The following CNTN4 variants were observed in gnomAD, a reference collection of about 807,000 sequenced individuals.
CNTN4 encodes the protein contactin 4.
Under a neutral mutation model 122.5 loss-of-function variants are expected in CNTN4, and 77 were observed. That is an observed-to-expected ratio of 0.63 (90% confidence interval 0.52 to 0.76). The LOEUF (loss-of-function observed/expected upper bound fraction) is 0.76. CNTN4 is among the 30% of genes least tolerant of loss of function. CNTN4 has a pLI of 0.00. For synonymous variants in CNTN4, 512 were observed against 447.0 expected, an observed-to-expected ratio of 1.15 and a Z score of -1.83; for missense variants, 1,256 against 1,259.1, an observed-to-expected ratio of 1.00 and a Z score of 0.04.
chr3:2,153,014 G>A (rs1259340792), intron 2 of CNTN4, among the ~76,000 whole-genome samples: 1 of 152,168 alleles, frequency 6.6e-6, no homozygotes, highest in Non-Finnish European at 1.5e-5. Flanking sequence ...AGACCCTACA[G>A]AATCAAGAGA....
At chr3:2,821,310 G>T (rs1237708430) in intron 7 of CNTN4, among the ~76,000 whole-genome samples, 2 of 152,140 alleles carry the variant, frequency 1.3e-5, no homozygotes, top group African/African-American at 4.8e-5. Flanking sequence ...GCTTCTAGAG[G>T]ATGTCTTCCA....
chr3:2,632,050 C>CAAAA (rs2150044123), intron 4 of CNTN4, among the ~76,000 whole-genome samples: 1 of 140,358 alleles, frequency 7.1e-6, no homozygotes, highest in Admixed American at 7.3e-5. Flanking sequence ...GACCCTGTCT[C>CAAAA]AAAATACACA....
intron 8 of CNTN4, among the ~76,000 whole-genome samples, chr3:2,875,134 C>T (rs889098794): frequency 6.6e-6 from 1 of 152,028 alleles, no homozygotes; most frequent in Non-Finnish European, 1.5e-5. Context: ...AGGCATGTAC[C>T]ACCATACCCA....
chr3:2,618,966 C>T (rs562629043), intron 4 of CNTN4, among the ~76,000 whole-genome samples: 12 of 152,286 alleles, frequency 7.9e-5, no homozygotes, highest in Non-Finnish European at 1.5e-4. Flanking sequence ...TATTTAGGCT[C>T]ACCAAACCAG....
intron 3 of CNTN4, among the ~76,000 whole-genome samples, chr3:2,370,186 C>A (rs535863789): frequency 1.3e-5 from 2 of 152,120 alleles, no homozygotes; most frequent in Non-Finnish European, 2.9e-5. Context: ...GCTTAGTTAT[C>A]CACATCTAAA....
chr3:2,118,783 G>C (rs1478932612), intron 2 of CNTN4, among the ~76,000 whole-genome samples: 2 of 152,118 alleles, frequency 1.3e-5, no homozygotes, highest in Non-Finnish European at 2.9e-5. Context: ...ATTTATGTAC[G>C]GGTCCGAATG....
intron 2 of CNTN4, among the ~76,000 whole-genome samples, chr3:2,192,460 T>G (rs2037621692): frequency 6.6e-6 from 1 of 152,174 alleles, no homozygotes; most frequent in South Asian, 2.1e-4. Context: ...CTAAAGAGCT[T>G]CTGCACAGCA....
At chr3:2,163,994 A>G (rs12497052) in intron 2 of CNTN4, among the ~76,000 whole-genome samples, 17,354 of 152,098 alleles carry the variant, frequency 0.11, 1,399 homozygotes, top group East Asian at 0.32. Context: ...AGGTATAACA[A>G]TGATAAAATG....
intron 4 of CNTN4, among the ~76,000 whole-genome samples, chr3:2,619,802 A>C: frequency 6.6e-6 from 1 of 152,224 alleles, no homozygotes; most frequent in East Asian, 1.9e-4. Flanking sequence ...ACAGACTACC[A>C]GGAATGCAAC....
chr3:2,128,983 C>T (rs1396838514), intron 2 of CNTN4, among the ~76,000 whole-genome samples: 2 of 151,996 alleles, frequency 1.3e-5, no homozygotes, highest in Non-Finnish European at 2.9e-5. Flanking sequence ...AATAATTATC[C>T]AAAATATACT....
chr3:2,433,418 C>T (rs1012483637), intron 3 of CNTN4, among the ~76,000 whole-genome samples: 11 of 152,088 alleles, frequency 7.2e-5, no homozygotes, highest in Non-Finnish European at 1.3e-4. Context: ...AACCTATTGG[C>T]CATTTGTATG....
intron 16 of CNTN4, among the ~76,000 whole-genome samples, chr3:3,034,012 C>T (rs750366093): frequency 6.6e-5 from 10 of 152,190 alleles, no homozygotes; most frequent in Admixed American, 2.6e-4. Context: ...TTGACTCTTG[C>T]GCACCGGCCA....
At chr3:3,036,568 G>A (rs1201865494) in intron 17 of CNTN4, among the ~76,000 whole-genome samples, 1 of 151,660 alleles carries the variant, frequency 6.6e-6, no homozygotes, top group Non-Finnish European at 1.5e-5. Context: ...TTTGAGAGCA[G>A]TCTGGGAAAT....
intron 4 of CNTN4, among the ~76,000 whole-genome samples, chr3:2,705,127 G>C (rs937616276): frequency 4.0e-5 from 6 of 151,324 alleles, no homozygotes; most frequent in African/African-American, 1.5e-4. Context: ...AGCTGGCTTT[G>C]GGAGGCCGAG....
At chr3:2,390,212 A>AGTGTG (rs1559511337) in intron 3 of CNTN4, among the ~76,000 whole-genome samples, 11 of 115,460 alleles carry the variant, frequency 9.5e-5, no homozygotes, top group African/African-American at 4.0e-4. Flanking sequence ...TTTAGGAAAA[A>AGTGTG]AGAGTGTGTG....
intron 6 of CNTN4, among the ~76,000 whole-genome samples, chr3:2,814,670 T>A (rs534277325): frequency 6.6e-6 from 1 of 152,230 alleles, no homozygotes; most frequent in Non-Finnish European, 1.5e-5. Flanking sequence ...TTGAAAGCTC[T>A]TTTTCACTGA....
chr3:2,963,789 C>G (rs975930737), intron 13 of CNTN4, among the ~76,000 whole-genome samples: 3 of 152,138 alleles, frequency 2.0e-5, no homozygotes, highest in Non-Finnish European at 4.4e-5. Flanking sequence ...TATTGTTAGT[C>G]TCTCCTTCCA....
intron 7 of CNTN4, among the ~76,000 whole-genome samples, chr3:2,855,174 C>T (rs1023403918): frequency 2.0e-5 from 3 of 152,184 alleles, no homozygotes; most frequent in Non-Finnish European, 2.9e-5. Context: ...ACCACAGTCC[C>T]CCTCAACCAC....
At chr3:2,992,684 A>C (rs919038974) in intron 14 of CNTN4, among the ~76,000 whole-genome samples, 2 of 151,948 alleles carry the variant, frequency 1.3e-5, no homozygotes, top group East Asian at 3.9e-4. Flanking sequence ...AGCAACCCTC[A>C]CTCCTATTGA....
Sources: gnomAD v4.1 joint callset for allele counts (sites outside exome capture counted in the v4.1 genomes callset) on GRCh38, gnomAD v4.1.1 for gene constraint, MANE v1.5 for transcripts, NCBI Gene and HGNC (gene_info 2026-07-23, HGNC 2026-07-21) for gene names.